The following INSC variants were observed in gnomAD, a reference collection of about 807,000 sequenced individuals.
INSC encodes INSC spindle orientation adaptor protein.
INSC carries 67 observed loss-of-function variants against 58.6 expected under a neutral mutation model. The observed-to-expected ratio is 1.14, with a 90% confidence interval of 0.94 to 1.40. The LOEUF (loss-of-function observed/expected upper bound fraction) is 1.40. INSC is among the 40% of genes most tolerant of loss of function. The pLI is 0.00. For synonymous variants in INSC, 262 were observed against 276.1 expected (o/e 0.95, Z 0.51); for missense variants, 714 against 692.0 (o/e 1.03, Z -0.36).
intron 9 of INSC, among the ~76,000 whole-genome samples, chr11:15,229,051 G>T (rs1396285420): frequency 2.0e-5 from 3 of 152,140 alleles, no homozygotes; most frequent in African/African-American, 4.8e-5. Flanking sequence ...GATCTGACAG[G>T]GGGAGGTAGG....
Position 15,246,256 on chromosome 11 carries a change from T to G in INSC, c.*216T>G. 2.4e-6 allele frequency: 1 copy of G among 414,124 alleles called. No homozygotes were observed. Among genetic ancestry groups the G allele is most frequent in the East Asian group, 4.0e-5 (1 of 25,070 alleles). The allele number at this position is 414,124 out of a possible 1,614,324, so 25.7% of individuals were successfully genotyped here. On this transcript the variant is annotated 3_prime_UTR_variant, in exon 13 of 13. Coordinates refer to ENST00000379556, the MANE Select transcript of INSC (RefSeq NM_001042536.3). ...TTTGTGTTTTATTTTTTGATTTCTG[T>G]AGCTTTTCAGTTGCAGATGTTGAAA...
chr11:15,112,596 G>C (rs770322524), upstream of INSC: 35 of 304,920 alleles, frequency 1.1e-4, no homozygotes, highest in Non-Finnish European at 1.4e-4. Context: ...ATGTGAGTGT[G>C]TGTGTGTGTG....
chr11:15,114,892 C>T (rs1310603388), upstream of INSC: 8 of 976,456 alleles, frequency 8.2e-6, no homozygotes, highest in South Asian at 2.8e-4. Context: ...GGGCCAGGGG[C>T]GGCCTCTCGG....
intron 1 of INSC, among the ~76,000 whole-genome samples, chr11:15,144,688 A>T (rs1019183144): frequency 2.0e-5 from 3 of 152,226 alleles, no homozygotes; most frequent in African/African-American, 7.2e-5. Flanking sequence ...GGATTGGCCC[A>T]TTAGACAATG....
chr11:15,196,749 G>A (rs1429949790), intron 6 of INSC, among the ~76,000 whole-genome samples: 2 of 152,052 alleles, frequency 1.3e-5, no homozygotes, highest in Non-Finnish European at 2.9e-5. Flanking sequence ...ATGTTCTAAG[G>A]GCTTTATACA....
intron 5 of INSC, among the ~76,000 whole-genome samples, chr11:15,178,893 G>A (rs1176221960): frequency 1.3e-5 from 2 of 152,208 alleles, no homozygotes; most frequent in African/African-American, 2.4e-5. Flanking sequence ...CTTCTCTGTT[G>A]AGTTAATGTT....
At chr11:15,182,590 A>T (rs749495885) in intron 5 of INSC, among the ~76,000 whole-genome samples, 1 of 152,152 alleles carries the variant, frequency 6.6e-6, no homozygotes, top group Non-Finnish European at 1.5e-5. Context: ...CCCATTCAGC[A>T]TATTCAAAAC....
At chr11:15,155,751 T>C (rs1000468802) in intron 2 of INSC, among the ~76,000 whole-genome samples, 2 of 152,146 alleles carry the variant, frequency 1.3e-5, no homozygotes, top group Non-Finnish European at 2.9e-5. Flanking sequence ...CTTTTAAAGT[T>C]CCATTCTAAA....
chr11:15,269,301 G>A, the INSC span, among the ~76,000 whole-genome samples: 3 of 151,838 alleles, frequency 2.0e-5, no homozygotes, highest in African/African-American at 4.8e-5. Flanking sequence ...ATTAGTCATG[G>A]TTATGAGACT....
Position 15,190,762 on chromosome 11 carries a change from AC to A in INSC, c.643del (p.Leu215CysfsTer4), listed in dbSNP as rs774771465. On this transcript the variant is annotated frameshift_variant, in exon 6 of 13. Coordinates refer to ENST00000379556, the MANE Select transcript of INSC (RefSeq NM_001042536.3). LOFTEE classifies it high-confidence loss of function. ...TACACCACAGAGTCCACCACAGGGA[AC>A]CTGTTCAGCCTGACCCAGGAGGGGG... ...NIYTTESTTG[N>X]LFSLTQEGAP... 1.2e-6 allele frequency: 2 copies of A among 1,613,838 alleles called. No homozygotes were observed. The highest frequency in any genetic ancestry group is 2.7e-5 in the African/African-American group (2 of 74,942).
intron 1 of INSC, among the ~76,000 whole-genome samples, chr11:15,145,082 GA>G (rs1192501328): frequency 6.6e-6 from 1 of 152,152 alleles, no homozygotes; most frequent in Non-Finnish European, 1.5e-5. Flanking sequence ...CTCTTCCTGG[GA>G]AAAGCAGCAA....
intron 1 of INSC, among the ~76,000 whole-genome samples, chr11:15,128,956 C>G (rs986348548): frequency 6.6e-6 from 1 of 152,176 alleles, no homozygotes; most frequent in Non-Finnish European, 1.5e-5. Context: ...TGGAGCTAGG[C>G]TGGCTCTTTC....
the INSC span, among the ~76,000 whole-genome samples, chr11:15,264,180 G>T: frequency 8.5e-5 from 9 of 105,852 alleles, no homozygotes; most frequent in South Asian, 3.2e-3. Flanking sequence ...TTCTTTGCTG[G>T]CTGTCAGCGG....
intron 1 of INSC, among the ~76,000 whole-genome samples, chr11:15,126,898 T>C (rs1454710501): frequency 6.6e-6 from 1 of 152,192 alleles, no homozygotes; most frequent in African/African-American, 2.4e-5. Flanking sequence ...AAGAGCTGCC[T>C]GTGGATGGGG....
At chr11:15,117,071 A>G (rs948885559) in intron 1 of INSC, among the ~76,000 whole-genome samples, 1 of 150,470 alleles carries the variant, frequency 6.6e-6, no homozygotes, top group Non-Finnish European at 1.5e-5. Context: ...GCCCCTGAGT[A>G]GCTGGGATTA....
chr11:15,218,073 T>A (rs2133922657), intron 7 of INSC, among the ~76,000 whole-genome samples: 1 of 152,276 alleles, frequency 6.6e-6, no homozygotes, highest in East Asian at 1.9e-4. Context: ...CCAGAAGACA[T>A]TTAGAAGAAT....
At chr11:15,161,528 T>C (rs988155177) in intron 2 of INSC, among the ~76,000 whole-genome samples, 5 of 152,016 alleles carry the variant, frequency 3.3e-5, no homozygotes, top group African/African-American at 1.2e-4. Context: ...CCACTATAGG[T>C]GGGCACAGGA....
At chr11:15,268,958 T>C in the INSC span, among the ~76,000 whole-genome samples, 1 of 152,074 alleles carries the variant, frequency 6.6e-6, no homozygotes, top group Admixed American at 6.6e-5. Context: ...TTCAAATTGG[T>C]ATAGAAAATG....
chr11:15,136,536 C>A (rs984757900), intron 1 of INSC, among the ~76,000 whole-genome samples: 2 of 152,124 alleles, frequency 1.3e-5, no homozygotes, highest in African/African-American at 4.8e-5. Flanking sequence ...CCTCTCAAAT[C>A]CTGCCACTGC....
Sources: gnomAD v4.1 joint callset for allele counts (sites outside exome capture counted in the v4.1 genomes callset) on GRCh38, gnomAD v4.1.1 for gene constraint, MANE v1.5 for transcripts, NCBI Gene and HGNC (gene_info 2026-07-23, HGNC 2026-07-21) for gene names.